The following SETD9 variants were observed in gnomAD, a reference collection of about 807,000 sequenced individuals.
The protein encoded by SETD9 is SET domain-containing protein 9.
In SETD9, 37 loss-of-function variants were observed where a neutral mutation model predicts 36.4. That is an observed-to-expected ratio of 1.02 (90% CI 0.78 to 1.34). The LOEUF (loss-of-function observed/expected upper bound fraction) is 1.34. SETD9 is among the 40% of genes most tolerant of loss of function. The pLI, the probability that SETD9 is intolerant of heterozygous loss-of-function variation, is 0.00. For missense variants in SETD9, 323 were observed against 353.2 expected, an observed-to-expected ratio of 0.91 and a Z score of 0.69; for synonymous variants, 128 against 132.9, an observed-to-expected ratio of 0.96 and a Z score of 0.26.
At chr5:56,925,506 C>T (rs115437106) in exon 6 of SETD9, 56 of 243,928 alleles carry the variant, frequency 2.3e-4, no homozygotes, top group Middle Eastern at 1.5e-3. Context: ...AGACCATTTA[C>T]ATTAGCACCC....
At chr5:56,914,056 G>T in intron 4 of SETD9, 67 bp downstream of exon 4, 1 of 1,191,776 alleles carries the variant, frequency 8.4e-7, no homozygotes, top group South Asian at 1.3e-5. Flanking sequence ...TTTGTCATAT[G>T]ACTGAGTGCC....
intron 3 of SETD9, 81 bp downstream of exon 3, chr5:56,913,215 ACTTT>A (rs2112020469): frequency 6.8e-7 from 1 of 1,466,226 alleles, no homozygotes; most frequent in Non-Finnish European, 9.2e-7. Flanking sequence ...TAGCATTTGT[ACTTT>A]ATTTATTTTT....
chr5:56,909,694 A>G lies in SETD9; in HGVS notation c.49A>G (p.Lys17Glu), dbSNP rs1445990149. The change falls in exon 1 of 6, where the codon AAG (lysine) becomes GAG (glutamate). Residue 17 changes from lysine (K) to glutamate (E), a missense_variant. Coordinates refer to ENST00000285947, the MANE Select transcript of SETD9 (RefSeq NM_153706.4). ...CCTGTGGCAGCGATGGCGCCGTTAC[A>G]AGTACCGCTTCGTTCCCTGGATCGC... is the stretch of plus-strand genomic sequence containing the variant. ...RGLWQRWRRY[K>E]YRFVPWIALN... is the part of the protein sequence containing the mutation. 1.2e-6 allele frequency: 2 copies of G among 1,610,660 alleles called. No individual in the cohort carries two copies. Among genetic ancestry groups the G allele is most frequent in the African/African-American group, 2.7e-5 (2 of 74,420 alleles).
At chr5:56,919,968 T>A (rs1375350355), downstream of SETD9, 1 of 152,606 alleles carries the variant, frequency 6.6e-6, no homozygotes, top group East Asian at 1.9e-4. Context: ...TTGTAGACAA[T>A]GTGCTTTGAA....
chr5:56,917,351 G>C (rs762468193), downstream of SETD9: 27 of 978,950 alleles, frequency 2.8e-5, no homozygotes, highest in South Asian at 4.7e-5. Flanking sequence ...TGAGTAAATT[G>C]GTGTGTCTAT....
intron 2 of SETD9, chr5:56,912,044 A>G (rs762669497): frequency 3.9e-5 from 9 of 228,664 alleles, no homozygotes; most frequent in Non-Finnish European, 6.5e-5. Flanking sequence ...AATCCCAGCT[A>G]TTCAGGAGGT....
At chr5:56,921,378 A>C (rs1749665066), downstream of SETD9, 1 of 152,406 alleles carries the variant, frequency 6.6e-6, no homozygotes, top group Non-Finnish European at 1.5e-5. Context: ...CACAGAGCCC[A>C]GGCTACCCAT....
At chr5:56,909,282 A>C, upstream of SETD9, 1 of 190,402 alleles carries the variant, frequency 5.3e-6, no homozygotes, top group Non-Finnish European at 1.1e-5. Context: ...CAGAGAAACT[A>C]GGCGGTCCGC....
rs768019675 is a variant in SETD9, at chr5:56,909,673, T to C, written c.28T>C (p.Trp10Arg). Residue 10 changes from tryptophan to arginine, a missense_variant, in exon 1 of 6, where the codon TGG becomes CGG. Physicochemically the swap from Trp to Arg is moderately radical, Grantham distance 101. Transcript: ENST00000285947. ...GCCTGGCCGTCTGCTGCGGGGCCTG[T>C]GGCAGCGATGGCGCCGTTACAAGTA... MPGRLLRGL[W>R]QRWRRYKYRF... The C allele has an allele frequency of 6.2e-7, 1 of 1,609,298 alleles. No individual in the cohort carries two copies. Among genetic ancestry groups the C allele is most frequent in the Non-Finnish European group, 8.5e-7 (1 of 1,178,504 alleles).
intron 1 of SETD9, chr5:56,910,593 T>C (rs1251083132): frequency 3.1e-6 from 1 of 327,670 alleles, no homozygotes. Context: ...TACAACCTTT[T>C]TGTTCAAGTA....
chr5:56,912,180 C>T (rs897413888), intron 2 of SETD9: 3 of 984,292 alleles, frequency 3.0e-6, no homozygotes, highest in Admixed American at 6.2e-5. Flanking sequence ...AAAAAGCGTA[C>T]GGATCAAAAC....
chr5:56,911,515 G>A lies in SETD9; in HGVS notation c.445G>A (p.Ala149Thr), dbSNP rs761294356. Reference sequence around the variant, plus strand: ...TACTAAAGGATTGGTACCAAAAGGCGCAGTCGTATCTATGTATCCTGGTAA... The same window carrying A: ...TACTAAAGGATTGGTACCAAAAGGCACAGTCGTATCTATGTATCCTGGTAA... ...FVTKGLVPKG[A>T]VVSMYPGTVY... The change falls in exon 2 of 6, where the codon GCA becomes ACA. Residue 149 changes from alanine (A) to threonine (T), a missense_variant. Ala to Thr is a moderately conservative substitution (Grantham distance 58, BLOSUM62 0). Transcript: ENST00000285947. 2.3e-5 allele frequency: 37 copies of A among 1,577,312 alleles called. No individual in the cohort carries two copies. The highest frequency in any genetic ancestry group is 4.5e-5 in the East Asian group (2 of 44,678).
At chr5:56,928,744 C>T (rs1343736554), downstream of SETD9, 12 of 1,503,928 alleles carry the variant, frequency 8.0e-6, no homozygotes, top group Non-Finnish European at 1.1e-5. Context: ...AGTAATTTAT[C>T]TGTACTAATC....
At chr5:56,911,735 G>T (rs1282397027) in intron 2 of SETD9, 199 bp downstream of exon 2, 10 of 520,314 alleles carry the variant, frequency 1.9e-5, no homozygotes, top group Admixed American at 3.9e-5. Flanking sequence ...TGGAGTATTT[G>T]TTGGGATAAA....
chr5:56,911,965 C>T (rs43183), intron 2 of SETD9, among the ~76,000 whole-genome samples: 79,850 of 151,834 alleles, frequency 0.53, 22,630 homozygotes, highest in Non-Finnish European at 0.65. Flanking sequence ...ACCAGTCTGG[C>T]CAACATAGTG....
intron 5 of SETD9, chr5:56,923,831 T>C (rs755390219): frequency 6.2e-7 from 1 of 1,614,080 alleles, no homozygotes. Flanking sequence ...ATCCATATAG[T>C]CCCTGAAAAA....
intron 5 of SETD9, among the ~76,000 whole-genome samples, chr5:56,916,022 T>G (rs1480711863): frequency 6.6e-6 from 1 of 151,994 alleles, no homozygotes; most frequent in Non-Finnish European, 1.5e-5. Flanking sequence ...CATGTGTATG[T>G]TTGTGTGTTT....
downstream of SETD9, among the ~76,000 whole-genome samples, chr5:56,925,799 C>T (rs888437363): frequency 6.6e-5 from 10 of 150,514 alleles, no homozygotes; most frequent in African/African-American, 2.2e-4. Flanking sequence ...CATAGTATTA[C>T]GAAAAGATAA....
Position 56,913,086 on chromosome 5 carries a change from G to A in SETD9, c.542G>A (p.Gly181Glu). 6.2e-7 allele frequency: 1 copy of A among 1,613,988 alleles called. No individual in the cohort carries two copies. The highest frequency in any genetic ancestry group is 8.5e-7 in the Non-Finnish European group (1 of 1,179,946). ...GNPFIFRCLD[G>E]VLIDGNDKGI... is the part of the protein sequence containing the mutation. Reference sequence around the variant, plus strand: ...CCGTTTATTTTTAGATGCCTGGATGGGGTACTCATTGATGGGAATGACAAA... The same window carrying A: ...CCGTTTATTTTTAGATGCCTGGATGAGGTACTCATTGATGGGAATGACAAA... The change falls in exon 3 of 6, where the codon GGG becomes GAG. Residue 181 changes from glycine (G) to glutamate (E), a missense_variant. Physicochemically the swap from Gly to Glu is moderately conservative, Grantham distance 98. Coordinates refer to ENST00000285947, the MANE Select transcript of SETD9 (RefSeq NM_153706.4).
Sources: gnomAD v4.1 joint callset for allele counts (sites outside exome capture counted in the v4.1 genomes callset) on GRCh38, gnomAD v4.1.1 for gene constraint, MANE v1.5 for transcripts, NCBI Gene and HGNC (gene_info 2026-07-23, HGNC 2026-07-21) for gene names.